Variants in TRPM3 observed in about 807,000 individuals in gnomAD.
TRPM3 encodes transient receptor potential cation channel subfamily M member 3.
TRPM3 carries 77 observed loss-of-function variants against 181.2 expected under a neutral mutation model. The observed-to-expected ratio is 0.42, with a 90% CI of 0.35 to 0.51. The LOEUF is 0.51. Among genes scored for constraint, TRPM3 ranks in the 20% least tolerant of loss-of-function variants. The pLI, the probability that TRPM3 is intolerant of heterozygous loss-of-function variation, is 0.01. For synonymous variants in TRPM3, 745 were observed against 796.4 expected, an observed-to-expected ratio of 0.94 and a Z score of 1.09; for missense variants, 1,759 against 2,196.7, an observed-to-expected ratio of 0.80 and a Z score of 3.98.
chr9:71,249,830 A>G (rs974013830), intron 1 of TRPM3, among the ~76,000 whole-genome samples: 1 of 152,204 alleles, frequency 6.6e-6, no homozygotes, highest in Admixed American at 6.5e-5. Context: ...TGGAACACAA[A>G]AAGAATTAAG....
At chr9:71,237,791 C>T (rs953874208) in intron 1 of TRPM3, among the ~76,000 whole-genome samples, 11 of 152,138 alleles carry the variant, frequency 7.2e-5, no homozygotes, top group African/African-American at 1.9e-4. Flanking sequence ...TGTCCAAGAT[C>T]GAGGCACTGG....
Position 71,280,404 on chromosome 9 carries a change from A to AT in TRPM3, c.183+166248dup, listed in dbSNP as rs1649691417. ...TTCCCAATGGGAACATATGTATGTT[A>AT]TGTGTGATGCTATGACAAGTAAAGC... On this transcript the variant is annotated intron_variant, in intron 1 of 24. Coordinates refer to the TRPM3 transcript ENST00000357533. Among the ~76,000 whole-genome samples the AT allele has an allele frequency of 2.6e-5, 4 of 152,302 alleles. No homozygotes were observed. The South Asian group carries it at 8.3e-4, about 32-fold the overall frequency.
At chr9:70,677,498 C>T (rs781281332) in intron 9 of TRPM3, among the ~76,000 whole-genome samples, 2 of 152,210 alleles carry the variant, frequency 1.3e-5, no homozygotes, top group Non-Finnish European at 2.9e-5. Context: ...CTAAGTCCCA[C>T]CTTGGGGCTT....
chr9:71,402,980 C>A (rs902563400), intron 1 of TRPM3, among the ~76,000 whole-genome samples: 10 of 152,152 alleles, frequency 6.6e-5, no homozygotes, highest in African/African-American at 1.2e-4. Flanking sequence ...AGACAAGATA[C>A]AATCCTTGTT....
chr9:71,236,866 G>A (rs2081377092), intron 1 of TRPM3, among the ~76,000 whole-genome samples: 1 of 152,060 alleles, frequency 6.6e-6, no homozygotes, highest in South Asian at 2.1e-4. Flanking sequence ...GGCCAACATG[G>A]CGAAACACTG....
intron 12 of TRPM3, among the ~76,000 whole-genome samples, chr9:70,630,368 G>A (rs954124147): frequency 6.6e-6 from 1 of 152,228 alleles, no homozygotes; most frequent in African/African-American, 2.4e-5. Context: ...CCTGTTCAGA[G>A]CTTCCAAGGT....
At chr9:70,648,125 C>A (rs2059141522) in intron 9 of TRPM3, among the ~76,000 whole-genome samples, 1 of 152,160 alleles carries the variant, frequency 6.6e-6, no homozygotes, top group African/African-American at 2.4e-5. Flanking sequence ...CTACTCAAAG[C>A]AACGTGCAGA....
chr9:71,104,728 C>T (rs2069125709), intron 1 of TRPM3, among the ~76,000 whole-genome samples: 3 of 152,134 alleles, frequency 2.0e-5, no homozygotes, highest in Non-Finnish European at 2.9e-5. Context: ...AAAGGTATTT[C>T]TGTATGAGAA....
intron 1 of TRPM3, among the ~76,000 whole-genome samples, chr9:71,398,610 C>G (rs1015789321): frequency 6.6e-6 from 1 of 152,168 alleles, no homozygotes; most frequent in Non-Finnish European, 1.5e-5. Flanking sequence ...GTAAAACGTG[C>G]TTATTTCCCC....
intron 1 of TRPM3, among the ~76,000 whole-genome samples, chr9:71,345,572 C>T (rs971068095): frequency 3.3e-5 from 5 of 151,656 alleles, no homozygotes; most frequent in African/African-American, 1.2e-4. Context: ...GGGAACATCA[C>T]ACACCAGGGC....
intron 9 of TRPM3, among the ~76,000 whole-genome samples, chr9:70,649,593 A>T (rs568096774): frequency 2.0e-5 from 3 of 152,286 alleles, no homozygotes; most frequent in African/African-American, 7.2e-5. Context: ...CCAAAATGAG[A>T]TACTATCTGA....
chr9:71,403,392 T>C (rs2131394780), intron 1 of TRPM3, among the ~76,000 whole-genome samples: 1 of 152,252 alleles, frequency 6.6e-6, no homozygotes, highest in Non-Finnish European at 1.5e-5. Context: ...ACTGAGTTTG[T>C]CCACTCCAGG....
chr9:70,749,493 A>G (rs2075764409), intron 8 of TRPM3, among the ~76,000 whole-genome samples: 2 of 152,204 alleles, frequency 1.3e-5, no homozygotes, highest in African/African-American at 4.8e-5. Flanking sequence ...CTCAATAACT[A>G]GCACAAATCC....
At chr9:71,419,767 A>T (rs1010997667) in intron 1 of TRPM3, among the ~76,000 whole-genome samples, 1 of 151,924 alleles carries the variant, frequency 6.6e-6, no homozygotes, top group African/African-American at 2.4e-5. Flanking sequence ...GTTGAAATAC[A>T]CTATAAAAAG....
chr9:71,252,459 G>C (rs1192680471), intron 1 of TRPM3, among the ~76,000 whole-genome samples: 2 of 152,120 alleles, frequency 1.3e-5, no homozygotes, highest in African/African-American at 4.8e-5. Flanking sequence ...AACCGCCTCT[G>C]TCCCAACAAG....
At chr9:70,912,594 T>A (rs2096549348) in intron 1 of TRPM3, among the ~76,000 whole-genome samples, 2 of 152,160 alleles carry the variant, frequency 1.3e-5, no homozygotes, top group South Asian at 4.1e-4. Flanking sequence ...GGGTAGCTTA[T>A]CTTAAAATCA....
At chr9:70,793,168 T>C (rs1042366746) in intron 6 of TRPM3, among the ~76,000 whole-genome samples, 9 of 152,140 alleles carry the variant, frequency 5.9e-5, no homozygotes, top group African/African-American at 1.9e-4. Context: ...AGAATACCCA[T>C]TTATGGTTGG....
chr9:70,646,746 T>C (rs565193308), intron 9 of TRPM3, among the ~76,000 whole-genome samples: 195 of 151,470 alleles, frequency 1.3e-3, no homozygotes, highest in Admixed American at 2.5e-3. Context: ...GAACTAAGAG[T>C]TGGTTTTTTG....
chr9:70,740,669 A>G (rs906899364), intron 8 of TRPM3, among the ~76,000 whole-genome samples: 1 of 151,936 alleles, frequency 6.6e-6, no homozygotes, highest in Non-Finnish European at 1.5e-5. Flanking sequence ...CCCAGAAATA[A>G]AGCCAATTGA....
Sources: allele counts gnomAD v4.1 joint callset (sites outside exome capture counted in the v4.1 genomes callset), GRCh38; gene constraint gnomAD v4.1.1; transcripts MANE v1.5; gene names NCBI Gene and HGNC (gene_info 2026-07-23, HGNC 2026-07-21).